Variants in NRXN3 observed in about 807,000 individuals in gnomAD.
NRXN3 encodes neurexin III.
Under a neutral mutation model 137.6 loss-of-function variants are expected in NRXN3, and 32 were observed. The ratio of observed to expected loss-of-function variants is 0.23; its 90% CI spans 0.18 to 0.31. The LOEUF is 0.31. Among genes scored for constraint, NRXN3 ranks in the 10% least tolerant of loss-of-function variants. The pLI is 1.00. For synonymous variants in NRXN3, 798 were observed against 784.5 expected (o/e 1.02, Z -0.29); for missense variants, 1,574 against 2,062.5 (o/e 0.76, Z 4.59).
intron 15 of NRXN3, among the ~76,000 whole-genome samples, chr14:79,118,212 T>C (rs2054800337): frequency 6.6e-6 from 1 of 150,896 alleles, no homozygotes; most frequent in African/African-American, 2.4e-5. Flanking sequence ...CCCTTATCTA[T>C]GATTGTGGTG....
At chr14:79,665,070 G>C (rs940233073) in intron 17 of NRXN3, among the ~76,000 whole-genome samples, 4 of 152,110 alleles carry the variant, frequency 2.6e-5, no homozygotes, top group African/African-American at 9.7e-5. Flanking sequence ...CTATTTGTAG[G>C]CCAAGACTTT....
chr14:79,341,709 T>C (rs2092619597), intron 15 of NRXN3, among the ~76,000 whole-genome samples: 1 of 152,214 alleles, frequency 6.6e-6, no homozygotes, highest in East Asian at 1.9e-4. Flanking sequence ...CTAATAGTTG[T>C]AGGTTTAAAG....
chr14:78,648,704 CT>C (rs1422187494), intron 5 of NRXN3, among the ~76,000 whole-genome samples: 1 of 152,044 alleles, frequency 6.6e-6, no homozygotes, highest in African/African-American at 2.4e-5. Context: ...AAGTTTTTTC[CT>C]TTTTGGGAGG....
At chr14:79,476,760 A>T (rs917482621) in intron 16 of NRXN3, among the ~76,000 whole-genome samples, 10 of 152,218 alleles carry the variant, frequency 6.6e-5, no homozygotes, top group African/African-American at 2.4e-4. Context: ...CCACTCAGTG[A>T]GGTAGTCACT....
chr14:78,881,017 CT>C (rs757306823), intron 10 of NRXN3, among the ~76,000 whole-genome samples: 4 of 152,016 alleles, frequency 2.6e-5, no homozygotes, highest in Admixed American at 1.3e-4. Flanking sequence ...TGAGTGAGTT[CT>C]CACAAGATTT....
intron 15 of NRXN3, among the ~76,000 whole-genome samples, chr14:79,284,380 A>ATATATATATATG (rs2081888875): frequency 2.5e-5 from 3 of 121,434 alleles, no homozygotes; most frequent in African/African-American, 1.1e-4. Context: ...ATATATATAT[A>ATATATATATATG]TATATGTATC....
At chr14:79,749,816 A>G (rs1461708980) in intron 19 of NRXN3, among the ~76,000 whole-genome samples, 1 of 152,104 alleles carries the variant, frequency 6.6e-6, no homozygotes, top group Non-Finnish European at 1.5e-5. Context: ...ATTCCTTAGT[A>G]GTTCAACATT....
intron 4 of NRXN3, among the ~76,000 whole-genome samples, chr14:78,549,949 A>G (rs2096670595): frequency 6.6e-6 from 1 of 152,020 alleles, no homozygotes; most frequent in African/African-American, 2.4e-5. Flanking sequence ...CCTTTTAGTA[A>G]CTTAGTAAAA....
At chr14:78,612,538 G>A (rs564768476) in intron 4 of NRXN3, among the ~76,000 whole-genome samples, 116 of 152,228 alleles carry the variant, frequency 7.6e-4, no homozygotes, top group African/African-American at 2.6e-3. Flanking sequence ...GAAAACATGT[G>A]CAAAATTTTG....
chr14:78,986,084 AC>A (rs2099503151), intron 14 of NRXN3, among the ~76,000 whole-genome samples: 1 of 152,062 alleles, frequency 6.6e-6, no homozygotes, highest in African/African-American at 2.4e-5. Context: ...CAGAAGACGA[AC>A]CCTTTGTAGT....
chr14:79,445,212 C>T (rs995462306), intron 15 of NRXN3, among the ~76,000 whole-genome samples: 18 of 151,622 alleles, frequency 1.2e-4, no homozygotes, highest in Middle Eastern at 3.2e-3. Flanking sequence ...TGGTGACACA[C>T]ACCTGTAGTC....
At chr14:79,624,962 C>G (rs1415978021) in intron 16 of NRXN3, among the ~76,000 whole-genome samples, 1 of 151,994 alleles carries the variant, frequency 6.6e-6, no homozygotes, top group African/African-American at 2.4e-5. Flanking sequence ...CACCACCACA[C>G]CTGGCTAATT....
In NRXN3 at chr14:79,585,420, C is replaced by T. The variant is rs1026306147; in HGVS notation, c.3445-78358C>T. Among the ~76,000 whole-genome samples the T allele has an allele frequency of 3.3e-5, 5 of 152,078 alleles. No individual in the cohort carries two copies. In the East Asian group the frequency reaches 9.7e-4, roughly 29 times the overall value. On this transcript the variant is annotated intron_variant, in intron 16 of 20. Coordinates refer to ENST00000335750, the MANE Select transcript of NRXN3 (RefSeq NM_001330195.2). ...TTGATAAAGAGGCTGGGCACGGTGG[C>T]TCATACCTGTAAACCCAGCACTTTG...
At chr14:79,266,818 T>G (rs1266453921) in intron 15 of NRXN3, among the ~76,000 whole-genome samples, 3 of 152,208 alleles carry the variant, frequency 2.0e-5, no homozygotes, top group Non-Finnish European at 2.9e-5. Flanking sequence ...TATGAACAAC[T>G]GCAAGTTATC....
At chr14:78,454,757 G>T (rs1434659973) in intron 4 of NRXN3, among the ~76,000 whole-genome samples, 1 of 152,194 alleles carries the variant, frequency 6.6e-6, no homozygotes, top group African/African-American at 2.4e-5. Flanking sequence ...ACTTATCCAG[G>T]CAAGGAGGGA....
At chr14:79,829,336 T>C (rs1055591499) in intron 20 of NRXN3, among the ~76,000 whole-genome samples, 1 of 152,254 alleles carries the variant, frequency 6.6e-6, no homozygotes, top group African/African-American at 2.4e-5. Flanking sequence ...TTTTGATTGC[T>C]AACAGCATTC....
chr14:79,152,322 G>C (rs1267928566), intron 15 of NRXN3, among the ~76,000 whole-genome samples: 1 of 151,980 alleles, frequency 6.6e-6, no homozygotes, highest in Non-Finnish European at 1.5e-5. Context: ...TAGGTGCATA[G>C]TATTAATTTG....
chr14:78,985,183 T>C (rs1363599311), intron 14 of NRXN3, among the ~76,000 whole-genome samples: 2 of 152,198 alleles, frequency 1.3e-5, no homozygotes, highest in East Asian at 1.9e-4. Flanking sequence ...TTTGGAAGCA[T>C]GATATAGCAA....
At chr14:78,481,151 A>C (rs1412111997) in intron 4 of NRXN3, among the ~76,000 whole-genome samples, 5 of 152,212 alleles carry the variant, frequency 3.3e-5, no homozygotes, top group Non-Finnish European at 7.3e-5. Flanking sequence ...AACTGAATAA[A>C]ATGATTTTTA....
Sources: allele counts gnomAD v4.1 joint callset (sites outside exome capture counted in the v4.1 genomes callset), GRCh38; gene constraint gnomAD v4.1.1; transcripts MANE v1.5; gene names NCBI Gene and HGNC (gene_info 2026-07-23, HGNC 2026-07-21).